Variants in WDPCP observed in about 807,000 individuals in gnomAD.
WDPCP encodes the protein WD repeat containing planar cell polarity effector.
Under a neutral mutation model 93.1 loss-of-function variants are expected in WDPCP, and 71 were observed. The ratio of observed to expected loss-of-function variants is 0.76; its 90% CI spans 0.63 to 0.93. WDPCP has a LOEUF of 0.93. WDPCP is among the 40% of genes least tolerant of loss of function. The pLI is 0.00. For missense variants in WDPCP, 844 were observed against 887.4 expected (o/e 0.95, Z 0.62); for synonymous variants, 315 against 315.0 (o/e 1.00, Z 0.00).
At position 63,418,978 on chromosome 2, in the gene WDPCP, GT is replaced by G. The variant is rs542587640; in HGVS notation, c.826-14322del. 1.4e-4 allele frequency among the ~76,000 whole-genome samples: 22 copies of G among 152,144 alleles called. No individual in the cohort carries two copies. The East Asian group carries it at 4.1e-3, about 28-fold the overall frequency. On this transcript the variant is annotated intron_variant, in intron 9 of 17. Transcript: ENST00000272321. The stretch of plus-strand genomic sequence containing the variant: ...GTCCAGTGTTTTGTTTTTCTTGTTT[GT>G]TTTTTTGCTTTTAAAGAAAACTGTG...
chr2:63,310,303 C>A (rs188921372), intron 13 of WDPCP, among the ~76,000 whole-genome samples: 2 of 152,118 alleles, frequency 1.3e-5, no homozygotes, highest in East Asian at 1.9e-4. Context: ...AATCAACAGG[C>A]CTTAAATATA....
At chr2:63,730,071 G>A (rs1669538297) in intron 2 of WDPCP, among the ~76,000 whole-genome samples, 1 of 152,070 alleles carries the variant, frequency 6.6e-6, no homozygotes, top group African/African-American at 2.4e-5. Context: ...GATACTAGGA[G>A]ACAAGTAGAA....
chr2:63,315,981 T>G (rs778188677), intron 12 of WDPCP, among the ~76,000 whole-genome samples: 1 of 152,080 alleles, frequency 6.6e-6, no homozygotes, highest in Non-Finnish European at 1.5e-5. Context: ...CAGGCTGGTT[T>G]TGAATCCATG....
At chr2:63,148,507 A>T (rs1671675283) in intron 17 of WDPCP, among the ~76,000 whole-genome samples, 1 of 151,766 alleles carries the variant, frequency 6.6e-6, no homozygotes, top group South Asian at 2.1e-4. Flanking sequence ...GCCAGCTAAT[A>T]TTTGTTTTTG....
At chr2:63,299,244 G>A (rs529621684) in intron 13 of WDPCP, among the ~76,000 whole-genome samples, 1 of 152,318 alleles carries the variant, frequency 6.6e-6, no homozygotes, top group Non-Finnish European at 1.5e-5. Flanking sequence ...TTATGAAGGA[G>A]GACCATCCAA....
chr2:63,278,061 A>ACTTT (rs1307088815), intron 13 of WDPCP, among the ~76,000 whole-genome samples: 3 of 152,354 alleles, frequency 2.0e-5, no homozygotes, highest in African/African-American at 7.2e-5. Context: ...TCTATCAAGT[A>ACTTT]CTTTCAGACA....
chr2:63,293,866 G>C (rs997074845), intron 13 of WDPCP, among the ~76,000 whole-genome samples: 2 of 152,132 alleles, frequency 1.3e-5, no homozygotes, highest in Non-Finnish European at 2.9e-5. Flanking sequence ...TAACGGACCT[G>C]AGACATACCA....
intron 1 of WDPCP, among the ~76,000 whole-genome samples, chr2:63,559,051 G>A (rs897005246): frequency 1.3e-5 from 2 of 152,154 alleles, no homozygotes; most frequent in Non-Finnish European, 2.9e-5. Context: ...CTGGCAAACC[G>A]AATCCAGCAG....
intron 2 of WDPCP, among the ~76,000 whole-genome samples, chr2:63,761,466 C>A (rs1302872614): frequency 5.3e-5 from 8 of 152,094 alleles, no homozygotes; most frequent in Admixed American, 1.3e-4. Context: ...CTAGCATCAT[C>A]CTAATACTAT....
At chr2:63,815,372 A>G (rs1670918936) in intron 1 of WDPCP, among the ~76,000 whole-genome samples, 1 of 152,214 alleles carries the variant, frequency 6.6e-6, no homozygotes, top group Non-Finnish European at 1.5e-5. Flanking sequence ...CATTAAAACT[A>G]TTTCTAAAAA....
chr2:63,451,750 T>C (rs949053543), intron 6 of WDPCP, among the ~76,000 whole-genome samples: 3 of 152,124 alleles, frequency 2.0e-5, no homozygotes, highest in East Asian at 3.8e-4. Context: ...TCCACCATGA[T>C]CAAGTGGGCT....
chr2:63,143,621 T>C (rs965798470), intron 17 of WDPCP, among the ~76,000 whole-genome samples: 1 of 152,240 alleles, frequency 6.6e-6, no homozygotes, highest in Non-Finnish European at 1.5e-5. Context: ...GCAGTTCTTA[T>C]AGTGGTGGCT....
chr2:63,189,797 T>G (rs531933661), intron 14 of WDPCP, among the ~76,000 whole-genome samples: 1 of 152,294 alleles, frequency 6.6e-6, no homozygotes, highest in South Asian at 2.1e-4. Context: ...ATTTTAAGGA[T>G]GAAAAGTGTA....
At chr2:63,632,742 C>T (rs1709877090) in intron 3 of WDPCP, among the ~76,000 whole-genome samples, 1 of 151,842 alleles carries the variant, frequency 6.6e-6, no homozygotes, top group African/African-American at 2.4e-5. Context: ...AAAAGCAGCC[C>T]AATGTATACA....
intron 2 of WDPCP, among the ~76,000 whole-genome samples, chr2:63,800,062 C>T (rs1023978792): frequency 6.6e-6 from 1 of 152,074 alleles, no homozygotes; most frequent in African/African-American, 2.4e-5. Context: ...TTGAAAATTA[C>T]ACATATATTA....
intron 2 of WDPCP, among the ~76,000 whole-genome samples, chr2:63,720,306 A>G (rs1349307309): frequency 2.0e-5 from 3 of 151,712 alleles, no homozygotes; most frequent in South Asian, 2.1e-4. Flanking sequence ...AGTCCCAGCT[A>G]CTCGGGAGGC....
chr2:63,458,300 C>T (rs185017519), intron 6 of WDPCP, among the ~76,000 whole-genome samples: 1 of 150,106 alleles, frequency 6.7e-6, no homozygotes, highest in Admixed American at 6.6e-5. Flanking sequence ...TTGCAGATGA[C>T]ATGATTTTAT....
rs559260081 is a variant in WDPCP, at chr2:63,774,505, C to T, written n.308+39117G>A. Among the ~76,000 whole-genome samples the T allele has an allele frequency of 2.0e-5, 3 of 152,252 alleles. No homozygotes were observed. In the South Asian group the frequency reaches 6.2e-4, roughly 32 times the overall value. Reference sequence around the variant, plus strand: ...TATGTGTGTATATTTTTCCTCAAATCTTTATATCCAGCCACCTCTCTTTTC... The same window carrying T: ...TATGTGTGTATATTTTTCCTCAAATTTTTATATCCAGCCACCTCTCTTTTC... On this transcript the variant is annotated intron_variant and non_coding_transcript_variant, in intron 2 of 4. Transcript: ENST00000467687.
At chr2:63,559,078 T>C (rs574510433) in intron 1 of WDPCP, among the ~76,000 whole-genome samples, 1 of 152,224 alleles carries the variant, frequency 6.6e-6, no homozygotes, top group South Asian at 2.1e-4. Context: ...AAAAAGCCTA[T>C]CCACCACGAT....
Sources: allele counts gnomAD v4.1 joint callset (sites outside exome capture counted in the v4.1 genomes callset), GRCh38; gene constraint gnomAD v4.1.1; transcripts MANE v1.5; gene names NCBI Gene and HGNC (gene_info 2026-07-23, HGNC 2026-07-21).